The following LRIF1 variants were observed in gnomAD, a reference collection of about 807,000 sequenced individuals.
LRIF1 encodes the protein ligand dependent nuclear receptor interacting factor 1.
Under a neutral mutation model 52.7 loss-of-function variants are expected in LRIF1, and 32 were observed. That is an observed-to-expected ratio of 0.61 (90% confidence interval 0.46 to 0.82). The LOEUF (loss-of-function observed/expected upper bound fraction) is 0.82, where lower values mean the gene tolerates loss of function less well. Among genes scored for constraint, LRIF1 ranks in the 40% least tolerant of loss-of-function variants. LRIF1 has a pLI of 0.00. For synonymous variants in LRIF1, 323 were observed against 317.4 expected (o/e 1.02, Z -0.19); for missense variants, 887 against 892.0 (o/e 0.99, Z 0.07).
At chr1:110,922,851 C>A in the LRIF1 span, among the ~76,000 whole-genome samples, 4 of 152,226 alleles carry the variant, frequency 2.6e-5, no homozygotes, top group African/African-American at 9.6e-5. Context: ...CTTTCAGCTT[C>A]TAGAGGCTAT....
chr1:110,880,809 T>C, the LRIF1 span, among the ~76,000 whole-genome samples: 1 of 152,084 alleles, frequency 6.6e-6, no homozygotes, highest in Non-Finnish European at 1.5e-5. Context: ...AACAAAATGG[T>C]TAGTACAATG....
the LRIF1 span, among the ~76,000 whole-genome samples, chr1:110,932,758 A>G: frequency 6.6e-6 from 1 of 152,142 alleles, no homozygotes; most frequent in African/African-American, 2.4e-5. Context: ...TTCTCCTCGA[A>G]CTTTTGCCCA....
At chr1:110,890,473 G>A in the LRIF1 span, among the ~76,000 whole-genome samples, 1 of 152,068 alleles carries the variant, frequency 6.6e-6, no homozygotes, top group Admixed American at 6.6e-5. Context: ...AGGCTGAGGT[G>A]GGAGGATCAC....
chr1:110,882,103 A>G, the LRIF1 span, among the ~76,000 whole-genome samples: 1 of 152,284 alleles, frequency 6.6e-6, no homozygotes, highest in African/African-American at 2.4e-5. Context: ...TTTGAAGAGC[A>G]GAAGTTTTTA....
the LRIF1 span, among the ~76,000 whole-genome samples, chr1:110,917,054 C>T: frequency 6.6e-6 from 1 of 152,212 alleles, no homozygotes; most frequent in Non-Finnish European, 1.5e-5. Context: ...TTTGCTGACT[C>T]ACCTTGTGGG....
At position 110,952,669 on chromosome 1, in the gene LRIF1, G is replaced by A; in HGVS notation, c.215C>T (p.Thr72Ile). ...SVMSDALKGNTGKPVQVTFQT... is the reference protein window; with the variant it reads ...SVMSDALKGNIGKPVQVTFQT... ...AAAAGTAACTTGAACTGGTTTTCCT[G>A]TATTCCCTTTCAAAGCATCAGACAT... is the stretch of plus-strand genomic sequence containing the variant. Residue 72 changes from threonine (T) to isoleucine (I), a missense_variant, in exon 2 of 4, where the codon ACA (threonine) becomes ATA (isoleucine). By Grantham distance (89) the Thr-to-Ile change is moderately conservative. Coordinates refer to ENST00000369763, the MANE Select transcript of LRIF1 (RefSeq NM_018372.4). The A allele has an allele frequency of 6.2e-7, 1 of 1,614,088 alleles. No individual in the cohort carries two copies. The highest frequency in any genetic ancestry group is 8.5e-7 in the Non-Finnish European group (1 of 1,179,984).
the LRIF1 span, among the ~76,000 whole-genome samples, chr1:110,895,594 G>A: frequency 6.6e-6 from 1 of 152,188 alleles, no homozygotes; most frequent in Admixed American, 6.5e-5. Context: ...CACTATGAAA[G>A]CACGCTGGCT....
downstream of LRIF1, chr1:110,944,600 A>G (rs1355718663): frequency 6.6e-6 from 1 of 152,258 alleles, no homozygotes; most frequent in Non-Finnish European, 1.5e-5. Flanking sequence ...AAGGAGACTG[A>G]GAATGACTAG....
At chr1:110,939,400 T>TAAAAAAAAA in the LRIF1 span, 1 of 107,582 alleles carries the variant, frequency 9.3e-6, no homozygotes, top group Non-Finnish European at 2.0e-5. Flanking sequence ...AAAAAAAAAG[T>TAAAAAAAAA]CCAAACTACC....
the LRIF1 span, among the ~76,000 whole-genome samples, chr1:110,877,577 C>T: frequency 6.6e-6 from 1 of 152,204 alleles, no homozygotes; most frequent in Non-Finnish European, 1.5e-5. Context: ...AGGAAGTGAG[C>T]TTCCAAGATC....
At chr1:110,876,626 AG>A in the LRIF1 span, among the ~76,000 whole-genome samples, 1 of 152,064 alleles carries the variant, frequency 6.6e-6, no homozygotes, top group Non-Finnish European at 1.5e-5. Context: ...TTATATCAGG[AG>A]CAAATAAAGG....
chr1:110,952,107 C>T lies in LRIF1; in HGVS notation c.777G>A (p.Lys259=), dbSNP rs757806769. 1.2e-6 allele frequency: 2 copies of T among 1,614,156 alleles called. No homozygotes were observed. Among genetic ancestry groups the T allele is most frequent in the East Asian group, 2.2e-5 (1 of 44,880 alleles). The change falls in exon 2 of 4, where the codon AAG becomes AAA. Residue 259 remains lysine (K), a synonymous_variant. Coordinates refer to ENST00000369763, the MANE Select transcript of LRIF1 (RefSeq NM_018372.4). ...TTTGTGTGGTATTTAGTATTACTGGCTTTGCTATTTCTGTAACAGGTTTTG... is the reference window on the plus strand; with the variant it reads ...TTTGTGTGGTATTTAGTATTACTGGTTTTGCTATTTCTGTAACAGGTTTTG... ...IYPKPVTEIA[K]PVILNTTQIP... is the part of the protein sequence containing the mutation.
chr1:110,887,660 C>T, the LRIF1 span, among the ~76,000 whole-genome samples: 59 of 152,246 alleles, frequency 3.9e-4, no homozygotes, highest in Middle Eastern at 3.4e-3. Context: ...GCTATCTGTT[C>T]CCTATTACTG....
At chr1:110,891,162 A>G in the LRIF1 span, among the ~76,000 whole-genome samples, 2 of 152,222 alleles carry the variant, frequency 1.3e-5, no homozygotes, top group African/African-American at 4.8e-5. Flanking sequence ...TACTTAATTC[A>G]ATGTTAAGCA....
At chr1:110,886,852 T>C in the LRIF1 span, among the ~76,000 whole-genome samples, 1 of 59,738 alleles carries the variant, frequency 1.7e-5, no homozygotes, top group Non-Finnish European at 3.9e-5. Context: ...CTCCAATATA[T>C]ATATATATAT....
the LRIF1 span, among the ~76,000 whole-genome samples, chr1:110,932,337 T>C: frequency 6.6e-6 from 1 of 152,192 alleles, no homozygotes; most frequent in African/African-American, 2.4e-5. Flanking sequence ...GTTCCATTGG[T>C]CTATATATCT....
At chr1:110,896,585 C>T in the LRIF1 span, 7 of 1,464,524 alleles carry the variant, frequency 4.8e-6, no homozygotes, top group Non-Finnish European at 6.7e-6. Context: ...ACCTTTTCCT[C>T]TAAGGTCCAC....
the LRIF1 span, among the ~76,000 whole-genome samples, chr1:110,907,229 A>G: frequency 1.3e-5 from 2 of 152,184 alleles, no homozygotes; most frequent in African/African-American, 2.4e-5. Flanking sequence ...AAACCTGGTG[A>G]TACGTAAGTA....
the LRIF1 span, among the ~76,000 whole-genome samples, chr1:110,903,455 C>G: frequency 6.6e-6 from 1 of 152,098 alleles, no homozygotes; most frequent in Non-Finnish European, 1.5e-5. Flanking sequence ...GATAGGACAC[C>G]GGTCAGAGTT....
Sources: gnomAD v4.1 joint callset for allele counts (sites outside exome capture counted in the v4.1 genomes callset) on GRCh38, gnomAD v4.1.1 for gene constraint, MANE v1.5 for transcripts, NCBI Gene and HGNC (gene_info 2026-07-23, HGNC 2026-07-21) for gene names.